TLE4: variants seen among roughly 807,000 people sequenced by gnomAD.
TLE4 encodes the protein transducin-like enhancer protein 4.
In TLE4, 8 loss-of-function variants were observed where a neutral mutation model predicts 92.8. That is an observed-to-expected ratio of 0.09 (90% confidence interval 0.05 to 0.16). TLE4 has a LOEUF of 0.16. Among genes scored for constraint, TLE4 ranks in the 10% least tolerant of loss-of-function variants. TLE4 has a pLI of 1.00. For missense variants in TLE4, 675 were observed against 997.6 expected, an observed-to-expected ratio of 0.68 and a Z score of 4.36; for synonymous variants, 371 against 374.1, an observed-to-expected ratio of 0.99 and a Z score of 0.10.
chr9:79,699,760 T>C (rs2069258613), intron 8 of TLE4, among the ~76,000 whole-genome samples: 2 of 152,182 alleles, frequency 1.3e-5, no homozygotes, highest in Admixed American at 1.3e-4. Context: ...GAAAGCAAAA[T>C]TGGCATGGTG....
At chr9:79,655,358 T>C (rs1213246202) in intron 8 of TLE4, among the ~76,000 whole-genome samples, 1 of 152,194 alleles carries the variant, frequency 6.6e-6, no homozygotes, top group African/African-American at 2.4e-5. Context: ...AATGGAGCTA[T>C]GTATATGAAT....
At chr9:79,718,639 T>G (rs774118300) in intron 14 of TLE4, 83 bp from the exon 15 acceptor site, 14 of 1,481,282 alleles carry the variant, frequency 9.5e-6, no homozygotes, top group Non-Finnish European at 1.3e-5. Flanking sequence ...TGAAGGTGTT[T>G]TATTTCTCAT....
chr9:79,712,615 G>A (rs1215193881), intron 14 of TLE4, among the ~76,000 whole-genome samples: 1 of 152,212 alleles, frequency 6.6e-6, no homozygotes, highest in Non-Finnish European at 1.5e-5. Context: ...GATATGATCA[G>A]AAATTATAAT....
rs991186558 is a variant in TLE4, at chr9:79,706,796, G to A, written c.833G>A (p.Gly278Asp). 6.2e-7 allele frequency: 1 copy of A among 1,614,098 alleles called. No homozygotes were observed. The highest frequency in any genetic ancestry group is 8.5e-7 in the Non-Finnish European group (1 of 1,180,026). The change falls in exon 11 of 20, where the codon GGC (glycine) becomes GAC (aspartate). Residue 278 changes from glycine (G) to aspartate (D), a missense_variant. Gly to Asp is a moderately conservative substitution (Grantham distance 94). Transcript: ENST00000376552. Reference protein sequence around the residue: ...GSPAHSPRENGLDKTRLLKKD... With the variant: ...GSPAHSPRENDLDKTRLLKKD... ...CCAGCACATTCCCCCAGAGAGAATGGCCTAGACAAGACACGCCTGCTCAAG... is the reference window on the plus strand; with the variant it reads ...CCAGCACATTCCCCCAGAGAGAATGACCTAGACAAGACACGCCTGCTCAAG...
At chr9:79,614,451 G>T (rs988856489) in intron 5 of TLE4, among the ~76,000 whole-genome samples, 1 of 152,124 alleles carries the variant, frequency 6.6e-6, no homozygotes, top group Non-Finnish European at 1.5e-5. Context: ...GTGTGAGCAG[G>T]CCCAGTGGGA....
chr9:79,631,229 C>T (rs1411667553), intron 6 of TLE4, among the ~76,000 whole-genome samples: 2 of 152,108 alleles, frequency 1.3e-5, no homozygotes, highest in Admixed American at 6.6e-5. Flanking sequence ...AGAATGACAG[C>T]GTAAACTGTG....
intron 4 of TLE4, among the ~76,000 whole-genome samples, chr9:79,579,574 A>C (rs2039030050): frequency 6.6e-6 from 1 of 152,206 alleles, no homozygotes; most frequent in Non-Finnish European, 1.5e-5. Context: ...ATCATCAGGA[A>C]ATTTTAGAAA....
intron 4 of TLE4, among the ~76,000 whole-genome samples, chr9:79,611,957 A>AAG (rs2048469676): frequency 6.6e-6 from 1 of 151,488 alleles, no homozygotes; most frequent in African/African-American, 2.4e-5. Flanking sequence ...AAAAAAAAAA[A>AAG]AAGTTCCCAA....
chr9:79,631,695 T>C lies in TLE4; in HGVS notation c.390+4247T>C, dbSNP rs76880865. ...CATTGACAACGTGGTAAGAGGGTCT[T>C]GCAGTATGACTGTTTAAAAATGTAT... On this transcript the variant is annotated intron_variant, in intron 6 of 19. Transcript: ENST00000376552. Among the ~76,000 whole-genome samples, 882 of 138,586 alleles carry C rather than the reference T, an allele frequency of 6.4e-3. 5 individuals carry two copies. Among genetic ancestry groups the C allele is most frequent in the Non-Finnish European group, 0.01 (683 of 65,438 alleles). The allele number at this position is 138,586 out of a possible 152,430, so 90.9% of individuals were successfully genotyped here.
chr9:79,694,248 CTAAGA>C (rs1186354389), intron 8 of TLE4, among the ~76,000 whole-genome samples: 3 of 152,156 alleles, frequency 2.0e-5, no homozygotes, highest in Non-Finnish European at 2.9e-5. Flanking sequence ...TAGAATGGAG[CTAAGA>C]TATTTTTCAT....
At chr9:79,613,920 C>G (rs2048931762) in intron 5 of TLE4, among the ~76,000 whole-genome samples, 2 of 152,094 alleles carry the variant, frequency 1.3e-5, no homozygotes, top group African/African-American at 4.8e-5. Context: ...TTCACATGCT[C>G]TTTTGGGTCT....
rs1203133976 is a variant in TLE4 at position 79,572,741 on chromosome 9, G to A, written c.-50G>A. On this transcript the variant is annotated 5_prime_UTR_variant, in exon 1 of 20. Coordinates refer to ENST00000376552, the MANE Select transcript of TLE4 (RefSeq NM_007005.6). ...CCGCCTCCTCTTCGGGGTCATTAAA[G>A]CCAATGAGCCGCGCGCCTCTGCCGA... The A allele has an allele frequency of 1.9e-6, 3 of 1,584,286 alleles. No homozygotes were observed. Among genetic ancestry groups the A allele is most frequent in the Non-Finnish European group, 2.6e-6 (3 of 1,165,684 alleles).
intron 19 of TLE4, 61 bp from the exon 20 acceptor site, chr9:79,724,976 T>G: frequency 8.1e-7 from 1 of 1,232,172 alleles, no homozygotes; most frequent in African/African-American, 1.5e-5. Context: ...CTCTAAGTCC[T>G]CCATACTCAT....
At chr9:79,676,120 C>G (rs1048498623) in intron 8 of TLE4, among the ~76,000 whole-genome samples, 1 of 152,070 alleles carries the variant, frequency 6.6e-6, no homozygotes, top group African/African-American at 2.4e-5. Flanking sequence ...TGACTTTACA[C>G]TCGTTTTATA....
In TLE4 at chr9:79,572,555, C is replaced by G. The variant is rs1409082288; in HGVS notation, c.-236C>G. On this transcript the variant is annotated 5_prime_UTR_variant, in exon 1 of 20. Coordinates refer to ENST00000376552, the MANE Select transcript of TLE4 (RefSeq NM_007005.6). ...TGGGAGACGCGCGCCGGACAATGCC[C>G]GCGGCGGGCCAGTGACGCCCGCGGG... The G allele has an allele frequency of 5.7e-6, 1 of 174,704 alleles. No homozygotes were observed. The highest frequency in any genetic ancestry group is 1.2e-5 in the Non-Finnish European group (1 of 83,734). The allele number at this position is 174,704 out of a possible 1,614,324, so 10.8% of individuals were successfully genotyped here.
At chr9:79,605,314 G>A (rs997522601) in intron 4 of TLE4, among the ~76,000 whole-genome samples, 11 of 151,932 alleles carry the variant, frequency 7.2e-5, no homozygotes, top group Non-Finnish European at 1.5e-4. Flanking sequence ...GAGTATAACC[G>A]TGGTAACATT....
At chr9:79,671,236 G>A (rs1184507059) in intron 8 of TLE4, 1 of 456,344 alleles carries the variant, frequency 2.2e-6, no homozygotes, top group Admixed American at 2.3e-5. Flanking sequence ...CATAATGGAT[G>A]AAATTGGAGA....
intron 6 of TLE4, among the ~76,000 whole-genome samples, chr9:79,648,220 G>A (rs1348827647): frequency 6.6e-6 from 1 of 152,166 alleles, no homozygotes; most frequent in Admixed American, 6.5e-5. Context: ...TTTATTTTCA[G>A]TAGTATCAGA....
intron 4 of TLE4, among the ~76,000 whole-genome samples, chr9:79,596,003 C>T (rs948416216): frequency 6.6e-6 from 1 of 151,934 alleles, no homozygotes; most frequent in African/African-American, 2.4e-5. Context: ...CCCACCACCA[C>T]GCCATGCTAT....
Sources: gnomAD v4.1 joint callset for allele counts (sites outside exome capture counted in the v4.1 genomes callset) on GRCh38, gnomAD v4.1.1 for gene constraint, MANE v1.5 for transcripts, NCBI Gene and HGNC (gene_info 2026-07-23, HGNC 2026-07-21) for gene names.